The following MARCHF11 variants were observed in gnomAD, a reference collection of about 807,000 sequenced individuals.
The protein encoded by MARCHF11 is E3 ubiquitin-protein ligase MARCHF11.
A neutral mutation model predicts 37.3 loss-of-function variants in MARCHF11; 29 were observed. The observed-to-expected ratio is 0.78, with a 90% CI of 0.58 to 1.06. MARCHF11 has a LOEUF of 1.06. MARCHF11 is among the 50% of genes least tolerant of loss of function. The pLI is 0.00. For missense variants in MARCHF11, 482 were observed against 533.4 expected, an observed-to-expected ratio of 0.90 and a Z score of 0.95; for synonymous variants, 233 against 228.0, an observed-to-expected ratio of 1.02 and a Z score of -0.20.
chr5:16,108,151 CT>C (rs1737076316), intron 2 of MARCHF11, among the ~76,000 whole-genome samples: 1 of 152,214 alleles, frequency 6.6e-6, no homozygotes, highest in Admixed American at 6.5e-5. Context: ...CTGTAACATG[CT>C]TCCTTGGGCT....
In MARCHF11 at chr5:16,067,412, A is replaced by C; in HGVS notation, c.*59T>G. 6.8e-7 allele frequency: 1 copy of C among 1,468,988 alleles called. No homozygotes were observed. The highest frequency in any genetic ancestry group is 2.3e-5 in the East Asian group (1 of 43,608). 91.0% of individuals were successfully genotyped at this position (1,468,988 alleles called of 1,614,324 possible). A position where few individuals can be genotyped will look rare whatever the true frequency, so the allele number is the denominator to read the frequency against. ...TAGAAGTGCTATGGTTTTGCCATTC[A>C]CTGCAATTACATTGCAAAATGTGCA... On this transcript the variant is annotated 3_prime_UTR_variant, in exon 4 of 4. Transcript: ENST00000332432.
chr5:16,131,579 T>C (rs919342605), intron 2 of MARCHF11, among the ~76,000 whole-genome samples: 35 of 152,006 alleles, frequency 2.3e-4, no homozygotes, highest in African/African-American at 8.2e-4. Context: ...AGGCAGAGGA[T>C]TTAAGAGACC....
intron 3 of MARCHF11, among the ~76,000 whole-genome samples, chr5:16,075,481 A>C (rs1412706022): frequency 6.6e-6 from 1 of 152,124 alleles, no homozygotes; most frequent in Admixed American, 6.5e-5. Context: ...TGTAATCCCT[A>C]ATCAGCTGTG....
chr5:16,177,793 G>T lies in MARCHF11; in HGVS notation c.626C>A (p.Ser209Tyr). 6.2e-7 allele frequency: 1 copy of T among 1,613,796 alleles called. No homozygotes were observed. Residue 209 changes from serine (S) to tyrosine (Y), a missense_variant, in exon 2 of 4, where the codon TCC becomes TAC. Coordinates refer to ENST00000332432, the MANE Select transcript of MARCHF11 (RefSeq NM_001102562.3). ...CLLKWISERG[S>Y]WTCELCCYRY... ...ATAACAGCAAAGTTCACAGGTCCAG[G>T]AACCTCTCTCACTGATCCATTTTAG...
chr5:16,085,700 G>A (rs544532424), intron 3 of MARCHF11, among the ~76,000 whole-genome samples: 1 of 151,802 alleles, frequency 6.6e-6, no homozygotes, highest in African/African-American at 2.4e-5. Flanking sequence ...CGCCTGTAAT[G>A]CCAGCACTTT....
chr5:16,088,402 T>C (rs1736735253), intron 3 of MARCHF11, among the ~76,000 whole-genome samples: 1 of 152,204 alleles, frequency 6.6e-6, no homozygotes, highest in South Asian at 2.1e-4. Context: ...CTAGGAAATA[T>C]TTATCAAACT....
rs1738421674 is a variant in MARCHF11 at position 16,179,224 on chromosome 5, C to T, written c.352G>A (p.Gly118Ser). The T allele has an allele frequency of 2.6e-5, 35 of 1,349,412 alleles. No homozygotes were observed. Among genetic ancestry groups the T allele is most frequent in the Non-Finnish European group, 3.3e-5 (35 of 1,052,182 alleles). The allele number at this position is 1,349,412 out of a possible 1,614,324, so 83.6% of individuals were successfully genotyped here. A position where few individuals can be genotyped will look rare whatever the true frequency, so the allele number is the denominator to read the frequency against. ...RLPEAAAAKG[G>S]PGESEAGAGG... The stretch of plus-strand genomic sequence containing the variant: ...GCGCCGGCCTCAGACTCCCCGGGGC[C>T]GCCTTTCGCTGCTGCCGCCTCCGGG... The change falls in exon 1 of 4, where the codon GGC becomes AGC. Residue 118 changes from glycine (G) to serine (S), a missense_variant. Coordinates refer to ENST00000332432, the MANE Select transcript of MARCHF11 (RefSeq NM_001102562.3).
intron 2 of MARCHF11, among the ~76,000 whole-genome samples, chr5:16,120,310 C>A (rs764695866): frequency 5.9e-5 from 9 of 152,188 alleles, no homozygotes; most frequent in Non-Finnish European, 8.8e-5. Context: ...GCAGTCAATG[C>A]ATGCCTGGAA....
chr5:16,164,201 CA>C (rs1256432472), intron 2 of MARCHF11, among the ~76,000 whole-genome samples: 2 of 152,012 alleles, frequency 1.3e-5, no homozygotes, highest in Non-Finnish European at 2.9e-5. Context: ...GTCAATCCCT[CA>C]GGAAGATATA....
intron 2 of MARCHF11, among the ~76,000 whole-genome samples, chr5:16,145,740 T>TG (rs1737786004): frequency 7.1e-6 from 1 of 141,202 alleles, no homozygotes; most frequent in South Asian, 2.5e-4. Context: ...CAAGATTTTA[T>TG]GAAAAAAAAA....
chr5:16,159,956 T>C (rs536943055), intron 2 of MARCHF11, among the ~76,000 whole-genome samples: 4 of 151,938 alleles, frequency 2.6e-5, no homozygotes, highest in Admixed American at 2.6e-4. Flanking sequence ...CATGAAATGG[T>C]TTCTCATCTA....
intron 2 of MARCHF11, among the ~76,000 whole-genome samples, chr5:16,109,127 C>A (rs181923878): frequency 1.3e-5 from 2 of 152,002 alleles, no homozygotes; most frequent in Non-Finnish European, 1.5e-5. Flanking sequence ...CACACACACA[C>A]ACACACACAC....
chr5:16,106,140 T>C (rs1579384782), intron 2 of MARCHF11, among the ~76,000 whole-genome samples: 1 of 152,044 alleles, frequency 6.6e-6, no homozygotes, highest in East Asian at 1.9e-4. Context: ...TCCCTGTAAA[T>C]GGCAGGGCGT....
intron 2 of MARCHF11, among the ~76,000 whole-genome samples, chr5:16,119,475 C>T (rs1488920045): frequency 1.3e-5 from 2 of 152,068 alleles, no homozygotes; most frequent in Non-Finnish European, 2.9e-5. Flanking sequence ...CCTGAGGAGG[C>T]TGGCATTTCC....
intron 2 of MARCHF11, among the ~76,000 whole-genome samples, chr5:16,152,774 C>A (rs755296435): frequency 2.6e-5 from 4 of 152,004 alleles, no homozygotes; most frequent in South Asian, 2.1e-4. Context: ...TGTGTTATCT[C>A]ACCACCTGCA....
In MARCHF11 at chr5:16,082,333, T is replaced by C. The variant is rs568452409; in HGVS notation, c.886+8556A>G. On this transcript the variant is annotated intron_variant, in intron 3 of 3. Transcript: ENST00000332432. Reference sequence around the variant, plus strand: ...GCTAAGATAGTCTGAAGCCAGGAAATAATGATCTGTGCTTGTAAAGGAATT... The same window carrying C: ...GCTAAGATAGTCTGAAGCCAGGAAACAATGATCTGTGCTTGTAAAGGAATT... Among the ~76,000 whole-genome samples the C allele has an allele frequency of 2.6e-5, 4 of 152,294 alleles. No individual in the cohort carries two copies. In the South Asian group the frequency reaches 8.3e-4, roughly 32 times the overall value.
rs547373597 is a variant in MARCHF11 at position 16,084,687 on chromosome 5, A to G, written c.886+6202T>C. Among the ~76,000 whole-genome samples, 234 of 152,122 alleles carry G rather than the reference A, an allele frequency of 1.5e-3. 1 individual carries two copies. Among genetic ancestry groups the G allele is most frequent in the Non-Finnish European group, 2.5e-3 (172 of 67,980 alleles). ...AGAATTTACATGGATTTAAAGAAAA[A>G]TTATTTCATTTCAAAGTACAGGAAA... On this transcript the variant is annotated intron_variant, in intron 3 of 3. Coordinates refer to ENST00000332432, the MANE Select transcript of MARCHF11 (RefSeq NM_001102562.3).
intron 2 of MARCHF11, among the ~76,000 whole-genome samples, chr5:16,137,306 A>T (rs1737625763): frequency 6.6e-6 from 1 of 152,154 alleles, no homozygotes; most frequent in African/African-American, 2.4e-5. Context: ...TGCTGTTCCC[A>T]TGGTAGTGAA....
chr5:16,076,494 A>C (rs1479810728), intron 3 of MARCHF11, among the ~76,000 whole-genome samples: 1 of 152,164 alleles, frequency 6.6e-6, no homozygotes, highest in African/African-American at 2.4e-5. Context: ...GGTAGAATGG[A>C]CTGGAATCAG....
Sources: gnomAD v4.1 joint callset for allele counts (sites outside exome capture counted in the v4.1 genomes callset) on GRCh38, gnomAD v4.1.1 for gene constraint, MANE v1.5 for transcripts, NCBI Gene and HGNC (gene_info 2026-07-23, HGNC 2026-07-21) for gene names.